The following ECE1 variants were observed in gnomAD, a reference collection of about 807,000 sequenced individuals.
ECE1 encodes the protein endothelin-converting enzyme 1.
A neutral mutation model predicts 98.6 loss-of-function variants in ECE1; 35 were observed. The ratio of observed to expected loss-of-function variants is 0.35; its 90% CI spans 0.27 to 0.47. The LOEUF (loss-of-function observed/expected upper bound fraction) is 0.47. Ranked by LOEUF, ECE1 falls within the 20% of genes least tolerant of loss-of-function variation. The probability of loss-of-function intolerance (pLI) is 1.00; values close to 1 mark genes in which losing one functional copy is unlikely to be tolerated. For synonymous variants in ECE1, 394 were observed against 407.1 expected (o/e 0.97, Z 0.39); for missense variants, 814 against 1,025.3 (o/e 0.79, Z 2.81).
chr1:21,284,780 G>C (rs895837983), intron 2 of ECE1, among the ~76,000 whole-genome samples: 19 of 152,234 alleles, frequency 1.2e-4, no homozygotes, highest in Admixed American at 1.0e-3. Context: ...TTCAGAGTCA[G>C]GTCGGAAGGG....
intron 1 of ECE1, chr1:21,298,478 GTGAA>G (rs1157805035): frequency 1.3e-5 from 4 of 316,252 alleles, no homozygotes; most frequent in Non-Finnish European, 2.6e-5. Flanking sequence ...TTCCACGGAC[GTGAA>G]TGGAGATGAT....
intron 2 of ECE1, among the ~76,000 whole-genome samples, chr1:21,281,092 AG>A (rs1400374087): frequency 5.9e-5 from 9 of 152,208 alleles, no homozygotes; most frequent in Non-Finnish European, 8.8e-5. Context: ...CGGGAGGCTG[AG>A]GCAGGAGAAT....
chr1:21,274,204 G>C (rs775801996), intron 3 of ECE1, among the ~76,000 whole-genome samples: 1 of 152,220 alleles, frequency 6.6e-6, no homozygotes, highest in Non-Finnish European at 1.5e-5. Flanking sequence ...GTGGGAGGGC[G>C]GAGAGCTGAG....
In ECE1 at chr1:21,222,684, T is replaced by C. The variant is rs1251354680; in HGVS notation, c.2041-842A>G. 2.0e-5 allele frequency among the ~76,000 whole-genome samples: 3 copies of C among 151,402 alleles called. No homozygotes were observed. In the East Asian group the frequency reaches 6.0e-4, roughly 30 times the overall value. Reference sequence around the variant, plus strand: ...GGTGAAACCCCATCTCTACTAAAAATACAAAAATTAGCCGAGGTGCGGTGG... The same window carrying C: ...GGTGAAACCCCATCTCTACTAAAAACACAAAAATTAGCCGAGGTGCGGTGG... On this transcript the variant is annotated intron_variant, in intron 17 of 18. Coordinates refer to ENST00000374893, the MANE Select transcript of ECE1 (RefSeq NM_001397.3).
Position 21,290,121 on chromosome 1 carries a change from C to T in ECE1, c.87G>A (p.Glu29=). ...STYKRATLDE[E]DLVDSLSEGD... ...CCTCGGAGAGCGAGTCCACCAGGTC[C>T]TCCTCGTCCAGCGTGGCCCGCTTGT... The change falls in exon 2 of 19, where the codon GAG becomes GAA. Residue 29 remains glutamate, a synonymous_variant. Coordinates refer to ENST00000374893, the MANE Select transcript of ECE1 (RefSeq NM_001397.3). This position sits in a 1 kb window ranked among gnomAD's most constrained non-coding sequence, Gnocchi z 7.3. 1 of 1,561,600 alleles carries T rather than the reference C, an allele frequency of 6.4e-7. No individual in the cohort carries two copies.
intron 4 of ECE1, among the ~76,000 whole-genome samples, chr1:21,270,703 T>C (rs1246821983): frequency 1.3e-5 from 2 of 152,168 alleles, no homozygotes; most frequent in African/African-American, 4.8e-5. Context: ...ATGCCAAGCC[T>C]AGGCATGGTT....
Position 21,345,175 on chromosome 1 carries a change from G to T in ECE1, c.3+201C>A. 1 of 646,540 alleles carries T rather than the reference G, an allele frequency of 1.5e-6. No individual in the cohort carries two copies. Among genetic ancestry groups the T allele is most frequent in the Non-Finnish European group, 2.0e-6 (1 of 488,228 alleles). 40.1% of individuals were successfully genotyped at this position (646,540 alleles called of 1,614,324 possible). On this transcript the variant is annotated intron_variant, in intron 1 of 18. Transcript: ENST00000415912. This position sits in a 1 kb window ranked among gnomAD's most constrained non-coding sequence, Gnocchi z 5.1. ...GCGCGGCCGCCCCCGACGGGACCAA[G>T]CGCAGCGCCGCCGGGAGAGCCGCGC... is the stretch of plus-strand genomic sequence containing the variant.
chr1:21,298,508 A>C (rs1569699092), intron 1 of ECE1: 2 of 331,756 alleles, frequency 6.0e-6, no homozygotes, highest in East Asian at 1.5e-4. Flanking sequence ...TGCCGACCCC[A>C]AAGGATCCTT....
chr1:21,333,893 A>T (rs1639256929), intron 1 of ECE1, among the ~76,000 whole-genome samples: 1 of 152,096 alleles, frequency 6.6e-6, no homozygotes, highest in African/African-American at 2.4e-5. Context: ...CCAAGGGCCA[A>T]CTCCGTGCAC....
chr1:21,330,271 T>G (rs1051359330), intron 1 of ECE1, among the ~76,000 whole-genome samples: 1 of 128,284 alleles, frequency 7.8e-6, no homozygotes, highest in Non-Finnish European at 1.6e-5. Flanking sequence ...AGTCTCCCTC[T>G]GCCACCCAGG....
At chr1:21,305,172 C>G (rs1638569828) in intron 1 of ECE1, among the ~76,000 whole-genome samples, 1 of 152,208 alleles carries the variant, frequency 6.6e-6, no homozygotes, top group Admixed American at 6.5e-5. Context: ...CACACATAGG[C>G]TCGACAGCAT....
upstream of ECE1, among the ~76,000 whole-genome samples, chr1:21,292,083 G>T (rs2098267053): frequency 6.6e-6 from 1 of 151,976 alleles, no homozygotes; most frequent in Admixed American, 6.6e-5. Context: ...TTGAAGCCAG[G>T]AGGTGGCGGC....
At chr1:21,296,988 G>A (rs942078378) in intron 1 of ECE1, among the ~76,000 whole-genome samples, 1 of 152,196 alleles carries the variant, frequency 6.6e-6, no homozygotes, top group Non-Finnish European at 1.5e-5. Flanking sequence ...GGAGACACTG[G>A]AAGGCCAAGG....
intron 14 of ECE1, among the ~76,000 whole-genome samples, chr1:21,228,666 G>C (rs2098177628): frequency 1.3e-5 from 2 of 151,866 alleles, no homozygotes. Context: ...GCGCACACTT[G>C]TAATCCCAGC....
chr1:21,312,876 G>T (rs1638758431), intron 1 of ECE1, among the ~76,000 whole-genome samples: 2 of 152,024 alleles, frequency 1.3e-5, no homozygotes, highest in South Asian at 4.1e-4. Flanking sequence ...GTAGCTATGA[G>T]AATTAAAATA....
At position 21,236,766 on chromosome 1, in the gene ECE1, G is replaced by C; in HGVS notation, c.1468C>G (p.Arg490Gly). The change falls in exon 12 of 19, where the codon CGA becomes GGA. Residue 490 changes from arginine (R) to glycine (G), a missense_variant. Physicochemically the swap from Arg to Gly is moderately radical, Grantham distance 125 (BLOSUM62 -2). Around this residue, in one of 3 missense-constraint regions of ECE1, gnomAD observed 452 missense variants for 567.3 expected, o/e 0.80. Coordinates refer to ENST00000374893, the MANE Select transcript of ECE1 (RefSeq NM_001397.3). ...STLKWMDEET[R>G]KSAKEKADAI... Reference sequence around the variant, plus strand: ...CTCACCTTTTCCTTGGCTGATTTTCGGGTTTCCTCATCCATCCACTTCAGG... The same window carrying C: ...CTCACCTTTTCCTTGGCTGATTTTCCGGTTTCCTCATCCATCCACTTCAGG... The C allele has an allele frequency of 6.2e-7, 1 of 1,613,788 alleles. No homozygotes were observed. Among genetic ancestry groups the C allele is most frequent in the Non-Finnish European group, 8.5e-7 (1 of 1,179,998 alleles).
In ECE1 at chr1:21,290,421, C is replaced by T; in HGVS notation, c.-7G>A. On this transcript the variant is annotated 5_prime_UTR_variant, in exon 1 of 19. Transcript: ENST00000374893. This position sits in a 1 kb window ranked among gnomAD's most constrained non-coding sequence, Gnocchi z 7.3. ...GCGGCCACACGCCCCGCATGCTGTGCCCCAGACGCCTGGTCCCGCTGCCCG... is the reference window on the plus strand; with the variant it reads ...GCGGCCACACGCCCCGCATGCTGTGTCCCAGACGCCTGGTCCCGCTGCCCG... 1 of 1,233,496 alleles carries T rather than the reference C, an allele frequency of 8.1e-7. No individual in the cohort carries two copies. The highest frequency in any genetic ancestry group is 1.0e-6 in the Non-Finnish European group (1 of 989,602). 76.4% of individuals were successfully genotyped at this position (1,233,496 alleles called of 1,614,324 possible). A position where few individuals can be genotyped will look rare whatever the true frequency, so the allele number is the denominator to read the frequency against.
At chr1:21,325,599 G>C (rs1398704522) in intron 1 of ECE1, among the ~76,000 whole-genome samples, 1 of 152,236 alleles carries the variant, frequency 6.6e-6, no homozygotes, top group African/African-American at 2.4e-5. Context: ...GGAGTTGTGT[G>C]GCCTTGGCCG....
At chr1:21,241,274 G>A (rs1292023016) in intron 10 of ECE1, among the ~76,000 whole-genome samples, 1 of 152,162 alleles carries the variant, frequency 6.6e-6, no homozygotes, top group Non-Finnish European at 1.5e-5. Context: ...GACATCAGGT[G>A]ATCTGCCCGC....
Sources: allele counts gnomAD v4.1 joint callset (sites outside exome capture counted in the v4.1 genomes callset), GRCh38; gene constraint gnomAD v4.1.1; regional missense constraint gnomAD v4.1.1; non-coding constraint Gnocchi (gnomAD v3.1); transcripts MANE v1.5; gene names NCBI Gene and HGNC (gene_info 2026-07-23, HGNC 2026-07-21).